ADAMTSL3: variants seen among roughly 807,000 people sequenced by gnomAD.
ADAMTSL3 encodes ADAMTS like 3.
ADAMTSL3 carries 128 observed loss-of-function variants against 201.7 expected under a neutral mutation model. The ratio of observed to expected loss-of-function variants is 0.63; its 90% CI spans 0.55 to 0.73. The LOEUF (loss-of-function observed/expected upper bound fraction) is 0.73. Ranked by LOEUF, ADAMTSL3 falls within the 30% of genes least tolerant of loss-of-function variation. ADAMTSL3 has a pLI of 0.00. For missense variants in ADAMTSL3, 1,990 were observed against 2,119.6 expected (o/e 0.94, Z 1.20); for synonymous variants, 738 against 748.4 (o/e 0.99, Z 0.23).
chr15:83,843,800 G>A (rs1048229012), intron 7 of ADAMTSL3, among the ~76,000 whole-genome samples: 8 of 152,278 alleles, frequency 5.3e-5, no homozygotes, highest in African/African-American at 1.9e-4. Context: ...CAGTGAGGCA[G>A]ACACAAGGTG....
chr15:83,960,041 A>G (rs1487338511), intron 19 of ADAMTSL3, among the ~76,000 whole-genome samples: 1 of 152,204 alleles, frequency 6.6e-6, no homozygotes, highest in African/African-American at 2.4e-5. Context: ...ATTCATTTTT[A>G]TTATGTGAGA....
intron 9 of ADAMTSL3, among the ~76,000 whole-genome samples, chr15:83,883,683 G>A (rs186139747): frequency 1.4e-3 from 214 of 151,048 alleles, no homozygotes; most frequent in Non-Finnish European, 2.8e-3. Flanking sequence ...AGCATCCCCA[G>A]TAGCTATAGC....
At position 83,820,021 on chromosome 15, in the gene ADAMTSL3, G is replaced by C. The variant is rs765554985; in HGVS notation, c.574G>C (p.Asp192His). The change falls in exon 6 of 30, where the codon GAC becomes CAC. Residue 192 changes from aspartate (D) to histidine (H), a missense_variant. Transcript: ENST00000286744. Reference sequence around the variant, plus strand: ...AACTCGTTGCAACACGGACTCCTTGGACATGTGTATCAGTGGCATCTGTCA... The same window carrying C: ...AACTCGTTGCAACACGGACTCCTTGCACATGTGTATCAGTGGCATCTGTCA... ...DGTRCNTDSLDMCISGICQAV... is the reference protein window; with the variant it reads ...DGTRCNTDSLHMCISGICQAV... 6.2e-7 allele frequency: 1 copy of C among 1,614,016 alleles called. No individual in the cohort carries two copies. Among genetic ancestry groups the C allele is most frequent in the African/African-American group, 1.3e-5 (1 of 74,898 alleles).
chr15:83,690,467 G>C (rs935891943), intron 2 of ADAMTSL3, among the ~76,000 whole-genome samples: 2 of 152,114 alleles, frequency 1.3e-5, no homozygotes, highest in African/African-American at 4.8e-5. Context: ...TTATGCCCCT[G>C]TTGTTCTAGA....
At chr15:83,865,714 A>G (rs1228181294) in intron 8 of ADAMTSL3, among the ~76,000 whole-genome samples, 1 of 152,248 alleles carries the variant, frequency 6.6e-6, no homozygotes, top group Non-Finnish European at 1.5e-5. Flanking sequence ...CAAAGACTTC[A>G]TGTCTAAAAC....
chr15:83,788,293 A>G (rs2063295119), intron 4 of ADAMTSL3, among the ~76,000 whole-genome samples: 1 of 152,206 alleles, frequency 6.6e-6, no homozygotes, highest in African/African-American at 2.4e-5. Context: ...GTCTAACAAG[A>G]AATTCAGGAG....
In ADAMTSL3 at chr15:83,822,748, C is replaced by T. The variant is rs571376876; in HGVS notation, c.600+2701C>T. 4.8e-5 allele frequency among the ~76,000 whole-genome samples: 7 copies of T among 147,178 alleles called. No individual in the cohort carries two copies. In the East Asian group the frequency reaches 8.5e-4, roughly 18 times the overall value. Reference sequence around the variant, plus strand: ...GCAGAGGGGCTCCTCACGTCCCAGACGATGGGCGGCCAGGCAGAGACGCTC... The same window carrying T: ...GCAGAGGGGCTCCTCACGTCCCAGATGATGGGCGGCCAGGCAGAGACGCTC... On this transcript the variant is annotated intron_variant, in intron 6 of 29. Transcript: ENST00000286744.
At chr15:83,786,719 A>C (rs918054944) in intron 4 of ADAMTSL3, among the ~76,000 whole-genome samples, 30 of 151,926 alleles carry the variant, frequency 2.0e-4, no homozygotes, top group African/African-American at 6.3e-4. Context: ...TTTTAGTGTG[A>C]TATCTGGCTA....
chr15:84,002,229 A>G (rs1403083738), intron 23 of ADAMTSL3, among the ~76,000 whole-genome samples: 1 of 152,184 alleles, frequency 6.6e-6, no homozygotes, highest in Non-Finnish European at 1.5e-5. Flanking sequence ...GGGCTCTTCA[A>G]ACACCTATCA....
At chr15:83,983,431 C>T in intron 21 of ADAMTSL3, 87 bp downstream of exon 21, 1 of 1,016,040 alleles carries the variant, frequency 9.8e-7, no homozygotes, top group African/African-American at 1.6e-5. Context: ...TCAAATTCCT[C>T]TCCTAAGCAT....
chr15:83,909,022 C>T (rs2065889555), intron 15 of ADAMTSL3, among the ~76,000 whole-genome samples: 1 of 152,148 alleles, frequency 6.6e-6, no homozygotes, highest in Non-Finnish European at 1.5e-5. Context: ...TTCTAGAGGC[C>T]ACCTGCATTC....
intron 19 of ADAMTSL3, among the ~76,000 whole-genome samples, chr15:83,948,813 TGA>T (rs1196439765): frequency 6.6e-6 from 1 of 152,164 alleles, no homozygotes; most frequent in Non-Finnish European, 1.5e-5. Flanking sequence ...TTATTAATTA[TGA>T]GTTTTTTATT....
intron 8 of ADAMTSL3, among the ~76,000 whole-genome samples, chr15:83,868,653 G>A (rs1268733082): frequency 1.3e-5 from 2 of 152,142 alleles, no homozygotes; most frequent in African/African-American, 2.4e-5. Context: ...TAGGCAACCA[G>A]TGTTTGTGCT....
chr15:83,715,593 C>T (rs2062006147), intron 3 of ADAMTSL3, among the ~76,000 whole-genome samples: 1 of 152,190 alleles, frequency 6.6e-6, no homozygotes, highest in South Asian at 2.1e-4. Context: ...TATGTCTTCT[C>T]ATCACTATAG....
chr15:83,875,545 G>A (rs1018922686), intron 9 of ADAMTSL3, among the ~76,000 whole-genome samples: 2 of 152,220 alleles, frequency 1.3e-5, no homozygotes, highest in Admixed American at 1.3e-4. Context: ...AGCACTTTGG[G>A]AGGCTGAGGC....
chr15:83,795,324 A>C (rs1249565500), intron 4 of ADAMTSL3, among the ~76,000 whole-genome samples: 1 of 152,176 alleles, frequency 6.6e-6, no homozygotes, highest in African/African-American at 2.4e-5. Context: ...ATTAAGGGAA[A>C]TCCATGGGGC....
intron 6 of ADAMTSL3, chr15:83,824,793 C>T (rs1189762490): frequency 2.0e-5 from 3 of 152,106 alleles, no homozygotes; most frequent in South Asian, 4.1e-4. Flanking sequence ...ATTTAAGTTT[C>T]CTCAGTGTCT....
At chr15:83,986,159 A>G (rs926040371) in intron 21 of ADAMTSL3, among the ~76,000 whole-genome samples, 5 of 152,194 alleles carry the variant, frequency 3.3e-5, no homozygotes, top group Non-Finnish European at 5.9e-5. Context: ...CTTTGACTTC[A>G]TAGACTTCTG....
intron 6 of ADAMTSL3, among the ~76,000 whole-genome samples, chr15:83,837,877 C>A (rs1326089196): frequency 6.6e-6 from 1 of 151,394 alleles, no homozygotes; most frequent in Non-Finnish European, 1.5e-5. Flanking sequence ...AGCTTCAAAT[C>A]TTAATATTAA....
Sources: gnomAD v4.1 joint callset for allele counts (sites outside exome capture counted in the v4.1 genomes callset) on GRCh38, gnomAD v4.1.1 for gene constraint, MANE v1.5 for transcripts, NCBI Gene and HGNC (gene_info 2026-07-23, HGNC 2026-07-21) for gene names.